Variants in FAT4 observed in about 807,000 individuals in gnomAD.
FAT4 encodes FAT atypical cadherin 4, also known as protocadherin Fat 4.
In FAT4, 84 loss-of-function variants were observed where a neutral mutation model predicts 303.9. The ratio of observed to expected loss-of-function variants is 0.28; its 90% CI spans 0.23 to 0.33. The LOEUF (loss-of-function observed/expected upper bound fraction) is 0.33. Ranked by LOEUF, FAT4 falls within the 10% of genes least tolerant of loss-of-function variation. FAT4 has a pLI of 1.00. For synonymous variants in FAT4, 2,307 were observed against 2,298.8 expected (o/e 1.00, Z -0.10); for missense variants, 6,005 against 6,146.8 (o/e 0.98, Z 0.77).
chr4:125,420,611 TC>T (rs1250002743), intron 7 of FAT4, among the ~76,000 whole-genome samples: 2 of 152,214 alleles, frequency 1.3e-5, no homozygotes, highest in African/African-American at 4.8e-5. Context: ...CAAAGTGACC[TC>T]TCTTTTGAAA....
chr4:125,374,060 T>C (rs1190585295), intron 2 of FAT4, among the ~76,000 whole-genome samples: 1 of 152,196 alleles, frequency 6.6e-6, no homozygotes, highest in East Asian at 1.9e-4. Context: ...AAATCAGATA[T>C]ACCAATTTAA....
rs769242691 is a variant in FAT4 at position 125,477,341 on chromosome 4, C to T, written c.12479+7C>T. On this transcript the variant is annotated splice_region_variant and intron_variant, in intron 14 of 17. Coordinates refer to ENST00000394329, the MANE Select transcript of FAT4 (RefSeq NM_001291303.3). The stretch of plus-strand genomic sequence containing the variant: ...CACAAGGCATCCTAGATCAGTATGG[C>T]GATTTTATTTCTTACTGTTTTAAAG... 1.2e-5 allele frequency: 18 copies of T among 1,542,040 alleles called. No homozygotes were observed. The Middle Eastern group carries it at 6.8e-4, about 59-fold the overall frequency.
rs901562649 is a variant in FAT4, at chr4:125,333,940, G to A, written c.5175+12354G>A. ...AGGTGAGGAATCAATACCAAGTAAA[G>A]GTCAGAGCTCTAGGATGGGAATGGG... On this transcript the variant is annotated intron_variant, in intron 2 of 17. Coordinates refer to ENST00000394329, the MANE Select transcript of FAT4 (RefSeq NM_001291303.3). 2.0e-5 allele frequency among the ~76,000 whole-genome samples: 3 copies of A among 152,126 alleles called. No homozygotes were observed. The East Asian group carries it at 5.8e-4, about 29-fold the overall frequency.
chr4:125,439,810 T>C (rs932854868), intron 8 of FAT4, among the ~76,000 whole-genome samples: 6 of 152,196 alleles, frequency 3.9e-5, no homozygotes, highest in African/African-American at 1.4e-4. Flanking sequence ...TCTACAGAAA[T>C]GCTCAGAATT....
chr4:125,319,941 T>C lies in FAT4; in HGVS notation c.3530T>C (p.Phe1177Ser), dbSNP rs1382773675. 1.2e-6 allele frequency: 2 copies of C among 1,613,542 alleles called. No homozygotes were observed. Among genetic ancestry groups the C allele is most frequent in the Non-Finnish European group, 1.7e-6 (2 of 1,180,004 alleles). Residue 1177 changes from phenylalanine (F) to serine (S), a missense_variant, in exon 2 of 18, where the codon TTT (phenylalanine) becomes TCT (serine). Coordinates refer to ENST00000394329, the MANE Select transcript of FAT4 (RefSeq NM_001291303.3). ...MRRRGTAVFSFTVIATDQGIP... is the reference protein window; with the variant it reads ...MRRRGTAVFSSTVIATDQGIP... ...CGGAGAGGGACTGCTGTGTTTAGCT[T>C]TACAGTCATAGCAACAGATCAGGGG...
intron 7 of FAT4, among the ~76,000 whole-genome samples, chr4:125,423,588 G>C (rs1009107875): frequency 2.0e-5 from 3 of 152,196 alleles, no homozygotes; most frequent in African/African-American, 7.2e-5. Context: ...AAATAAAGAA[G>C]ATATATGCCT....
intron 7 of FAT4, among the ~76,000 whole-genome samples, chr4:125,423,991 T>G (rs1225467047): frequency 6.6e-6 from 1 of 152,226 alleles, no homozygotes; most frequent in East Asian, 1.9e-4. Flanking sequence ...AAGTAACTGC[T>G]TTGCTTTTGA....
intron 11 of FAT4, among the ~76,000 whole-genome samples, chr4:125,467,080 A>C (rs1726692498): frequency 6.6e-6 from 1 of 152,148 alleles, no homozygotes; most frequent in Non-Finnish European, 1.5e-5. Flanking sequence ...CCTGGCCAAA[A>C]TGATGTTTAA....
At chr4:125,412,602 A>T (rs546500018) in intron 5 of FAT4, among the ~76,000 whole-genome samples, 1 of 152,006 alleles carries the variant, frequency 6.6e-6, no homozygotes, top group African/African-American at 2.4e-5. Flanking sequence ...TGTTTACAAC[A>T]ACGCTATAAA....
chr4:125,477,667 ATG>A, intron 14 of FAT4, among the ~76,000 whole-genome samples: 1 of 151,860 alleles, frequency 6.6e-6, no homozygotes, highest in East Asian at 1.9e-4. Context: ...ACAGAGAGAT[ATG>A]TAGATGTTAG....
In FAT4 at chr4:125,491,493, C is replaced by T. The variant is rs765997899; in HGVS notation, c.14677C>T (p.Arg4893Ter). 7.4e-6 allele frequency: 12 copies of T among 1,614,026 alleles called. No homozygotes were observed. Among genetic ancestry groups the T allele is most frequent in the African/African-American group, 1.3e-5 (1 of 74,918 alleles). ...EDNYGARLKPRRYHGRRAEGG... is the reference protein window; with the variant it reads ...EDNYGARLKP Reference sequence around the variant, plus strand: ...TAATTATGGAGCCAGACTGAAGCCTCGAAGGTACCACGGTCGCAGGGCCGA... The same window carrying T: ...TAATTATGGAGCCAGACTGAAGCCTTGAAGGTACCACGGTCGCAGGGCCGA... Residue 4893 changes from arginine (R) to a stop codon, truncating the protein, a stop_gained, in exon 18 of 18, where the codon CGA (arginine) becomes TGA (stop). Transcript: ENST00000394329. LOFTEE classifies it high-confidence loss of function.
chr4:125,488,298 GC>G (rs2126094129), intron 17 of FAT4, among the ~76,000 whole-genome samples: 1 of 152,318 alleles, frequency 6.6e-6, no homozygotes, highest in East Asian at 1.9e-4. Flanking sequence ...TGACCATGTT[GC>G]AGTTTTGGTC....
At chr4:125,423,680 C>T (rs1356480171) in intron 7 of FAT4, among the ~76,000 whole-genome samples, 1 of 152,328 alleles carries the variant, frequency 6.6e-6, no homozygotes, top group South Asian at 2.1e-4. Flanking sequence ...TGACAACTTG[C>T]AGCTATGCAC....
At chr4:125,418,017 G>T (rs1187326266) in intron 7 of FAT4, among the ~76,000 whole-genome samples, 1 of 152,138 alleles carries the variant, frequency 6.6e-6, no homozygotes, top group Non-Finnish European at 1.5e-5. Flanking sequence ...TCCGGTTTTA[G>T]AATCTACAGT....
chr4:125,425,345 T>C (rs1207856546), intron 7 of FAT4, among the ~76,000 whole-genome samples: 1 of 152,166 alleles, frequency 6.6e-6, no homozygotes, highest in African/African-American at 2.4e-5. Context: ...CAGGTGATGA[T>C]TTCTTAACAA....
chr4:125,410,739 G>T (rs1305701109), intron 5 of FAT4, among the ~76,000 whole-genome samples: 4 of 152,046 alleles, frequency 2.6e-5, no homozygotes, highest in Non-Finnish European at 2.9e-5. Flanking sequence ...AAAAAGAAAA[G>T]AATTTTGTTT....
chr4:125,405,283 T>C (rs1734550065), intron 3 of FAT4, among the ~76,000 whole-genome samples: 1 of 152,244 alleles, frequency 6.6e-6, no homozygotes, highest in South Asian at 2.1e-4. Flanking sequence ...GGTGATTCTA[T>C]TTGTTATTTT....
At chr4:125,427,725 AAC>A (rs1725132339) in intron 7 of FAT4, among the ~76,000 whole-genome samples, 1 of 152,196 alleles carries the variant, frequency 6.6e-6, no homozygotes, top group Non-Finnish European at 1.5e-5. Context: ...TATTACAACA[AAC>A]ACACCGCTAG....
chr4:125,413,135 C>T (rs1048483684), intron 5 of FAT4, among the ~76,000 whole-genome samples: 18 of 151,446 alleles, frequency 1.2e-4, no homozygotes, highest in African/African-American at 3.1e-4. Context: ...CGTATATTTA[C>T]GTTGTAATGA....
Sources: allele counts gnomAD v4.1 joint callset (sites outside exome capture counted in the v4.1 genomes callset), GRCh38; gene constraint gnomAD v4.1.1; transcripts MANE v1.5; gene names NCBI Gene and HGNC (gene_info 2026-07-23, HGNC 2026-07-21).